The following HDAC5 variants were observed in gnomAD, a reference collection of about 807,000 sequenced individuals.
HDAC5 encodes antigen NY-CO-9.
A neutral mutation model predicts 133.3 loss-of-function variants in HDAC5; 25 were observed. That is an observed-to-expected ratio of 0.19 (90% CI 0.14 to 0.26). HDAC5 has a LOEUF of 0.26. HDAC5 is among the 10% of genes least tolerant of loss of function. HDAC5 has a pLI of 1.00. For missense variants in HDAC5, 1,041 were observed against 1,460.5 expected (o/e 0.71, Z 4.68); for synonymous variants, 589 against 610.8 (o/e 0.96, Z 0.53).
At chr17:44,103,829 C>A (rs904716159) in intron 3 of HDAC5, among the ~76,000 whole-genome samples, 1 of 151,962 alleles carries the variant, frequency 6.6e-6, no homozygotes, top group Non-Finnish European at 1.5e-5. Context: ...CTGCCTCAGC[C>A]TCCCAAGTAG....
intron 22 of HDAC5, 35 bp downstream of exon 22, chr17:44,080,366 T>TC (rs1353231300): frequency 6.3e-7 from 1 of 1,594,738 alleles, no homozygotes; most frequent in Non-Finnish European, 8.6e-7. Context: ...CCAGAGGGGC[T>TC]CCCACTGACT....
chr17:44,084,224 A>G (rs902029290), intron 16 of HDAC5, among the ~76,000 whole-genome samples: 1 of 151,878 alleles, frequency 6.6e-6, no homozygotes, highest in Non-Finnish European at 1.5e-5. Flanking sequence ...AGCCCACACC[A>G]GTTGGAAGCT....
chr17:44,082,347 G>A, intron 20 of HDAC5: 1 of 565,108 alleles, frequency 1.8e-6, no homozygotes, highest in Non-Finnish European at 3.2e-6. Context: ...GCAACGTGAG[G>A]GCCAAGATGG....
intron 1 of HDAC5, among the ~76,000 whole-genome samples, chr17:44,119,563 C>T (rs1000553531): frequency 6.6e-6 from 1 of 152,196 alleles, no homozygotes; most frequent in Non-Finnish European, 1.5e-5. Flanking sequence ...GACTCATCTA[C>T]GTCTACTCCT....
At chr17:44,108,548 A>G (rs1468218647) in intron 3 of HDAC5, among the ~76,000 whole-genome samples, 2 of 151,980 alleles carry the variant, frequency 1.3e-5, no homozygotes, top group Non-Finnish European at 2.9e-5. Context: ...CACACCATCC[A>G]AAGAAGCTTC....
intron 2 of HDAC5, among the ~76,000 whole-genome samples, chr17:44,115,581 C>G (rs534635756): frequency 3.9e-5 from 6 of 152,258 alleles, no homozygotes; most frequent in African/African-American, 1.4e-4. Context: ...GGGAGGCTGA[C>G]TATCTCCCTG....
intron 3 of HDAC5, among the ~76,000 whole-genome samples, chr17:44,095,126 T>C (rs2051187220): frequency 6.6e-6 from 1 of 152,254 alleles, no homozygotes; most frequent in Non-Finnish European, 1.5e-5. Flanking sequence ...ATAGTCAACA[T>C]CTCTGGGCAT....
rs778349118 is a variant in HDAC5, at chr17:44,080,886, T to A, written c.2608-4A>T. 10 of 1,613,980 alleles carry A rather than the reference T, an allele frequency of 6.2e-6. No homozygotes were observed. Among genetic ancestry groups the A allele is most frequent in the Non-Finnish European group, 7.6e-6 (9 of 1,180,006 alleles). ...TGCCATTGCCATGGTGAATGTCCTA[T>A]GAGGGGAGGTAGAAGCATCGGGAAA... On this transcript the variant is annotated splice_region_variant and splice_polypyrimidine_tract_variant and intron_variant, in intron 20 of 26. Transcript: ENST00000682912.
Position 44,078,431 on chromosome 17 carries a change from A to G in HDAC5, c.3330-16T>C. On this transcript the variant is annotated splice_polypyrimidine_tract_variant and intron_variant, in intron 26 of 26. Coordinates refer to ENST00000682912, the MANE Select transcript of HDAC5 (RefSeq NM_005474.5). Reference sequence around the variant, plus strand: ...CTCTGCCGGCCTGTGGGGCAAGCACAGGGGAGGGTATTGAGTGGGGCGCAC... The same window carrying G: ...CTCTGCCGGCCTGTGGGGCAAGCACGGGGGAGGGTATTGAGTGGGGCGCAC... 1 of 1,545,882 alleles carries G rather than the reference A, an allele frequency of 6.5e-7. No homozygotes were observed. Among genetic ancestry groups the G allele is most frequent in the Non-Finnish European group, 8.7e-7 (1 of 1,143,562 alleles).
At position 44,091,725 on chromosome 17, in the gene HDAC5, A is replaced by C; in HGVS notation, c.1139T>G (p.Val380Gly). ...PNISLGLQAT[V>G]TVTNSHLTAS... ...AGTGAGGTGTGAGTTGGTGACAGTG[A>C]CCGTGGCCTGCAGCCCTAGGGAGAT... Residue 380 changes from valine to glycine, a missense_variant, in exon 10 of 27, where the codon GTC (valine) becomes GGC (glycine). Val to Gly is a moderately radical substitution (Grantham distance 109). This residue lies in a region of HDAC5 where 433 missense variants were observed against 531.6 expected (regional missense o/e 0.81). Coordinates refer to ENST00000682912, the MANE Select transcript of HDAC5 (RefSeq NM_005474.5). 6.3e-7 allele frequency: 1 copy of C among 1,584,360 alleles called. No homozygotes were observed. The highest frequency in any genetic ancestry group is 8.6e-7 in the Non-Finnish European group (1 of 1,165,820).
intron 20 of HDAC5, among the ~76,000 whole-genome samples, chr17:44,081,239 C>T (rs1294887922): frequency 1.3e-5 from 2 of 151,794 alleles, no homozygotes; most frequent in African/African-American, 4.8e-5. Flanking sequence ...TTAAAACAGG[C>T]AGATGAGATT....
At position 44,087,486 on chromosome 17, in the gene HDAC5, C is replaced by T; in HGVS notation, c.1810G>A (p.Val604Ile). ...CCACTCTCGCCCTCCTCGTCCTTAACCTGGATGCAATCCTCCTCCTCCTCC... is the reference window on the plus strand; with the variant it reads ...CCACTCTCGCCCTCCTCGTCCTTAATCTGGATGCAATCCTCCTCCTCCTCC... ...DGEEEEDCIQ[V>I]KDEEGESGAE... is the part of the protein sequence containing the mutation. Residue 604 changes from valine (V) to isoleucine (I), a missense_variant, in exon 13 of 27, where the codon GTT becomes ATT. By Grantham distance (29) the Val-to-Ile change is conservative (BLOSUM62 3). Coordinates refer to ENST00000682912, the MANE Select transcript of HDAC5 (RefSeq NM_005474.5). The T allele has an allele frequency of 6.3e-7, 1 of 1,575,264 alleles. No homozygotes were observed.
chr17:44,091,337 C>A lies in HDAC5; in HGVS notation c.1320G>T (p.Gly440=), dbSNP rs765343430. The change falls in exon 11 of 27, where the codon GGG becomes GGT. Residue 440 remains glycine (G), a synonymous_variant. Coordinates refer to ENST00000682912, the MANE Select transcript of HDAC5 (RefSeq NM_005474.5). ...VALEGDGSPH[G]HASLLQHVLL... is the part of the protein sequence containing the mutation. Reference sequence around the variant, plus strand: ...GCACATGCTGCAGCAGGGAGGCATGCCCGTGGGGGCTCCCGTCGCCCTCCA... The same window carrying A: ...GCACATGCTGCAGCAGGGAGGCATGACCGTGGGGGCTCCCGTCGCCCTCCA... 2 of 1,608,204 alleles carry A rather than the reference C, an allele frequency of 1.2e-6. No homozygotes were observed. The highest frequency in any genetic ancestry group is 2.7e-5 in the African/African-American group (2 of 74,872).
intron 11 of HDAC5, among the ~76,000 whole-genome samples, chr17:44,090,446 C>T (rs961799414): frequency 2.0e-5 from 3 of 151,972 alleles, no homozygotes; most frequent in African/African-American, 4.8e-5. Flanking sequence ...GCGATCTCGG[C>T]TCACTGCAAC....
chr17:44,079,639 C>CAAAAAA (rs773678478), intron 23 of HDAC5, among the ~76,000 whole-genome samples: 17 of 65,856 alleles, frequency 2.6e-4, no homozygotes, highest in East Asian at 7.7e-4. Context: ...GACTCCACCT[C>CAAAAAA]AAAAAAAAAA....
intron 14 of HDAC5, 55 bp from the exon 15 acceptor site, chr17:44,085,210 C>A: frequency 6.7e-7 from 1 of 1,494,954 alleles, no homozygotes; most frequent in East Asian, 2.4e-5. Flanking sequence ...GGATCCCAGC[C>A]TGGCTACCAT....
chr17:44,085,656 C>G (rs1027963868), intron 14 of HDAC5, among the ~76,000 whole-genome samples: 2 of 151,948 alleles, frequency 1.3e-5, no homozygotes, highest in Non-Finnish European at 2.9e-5. Context: ...CATGTGCCAC[C>G]ACGCCTGGCT....
intron 1 of HDAC5, among the ~76,000 whole-genome samples, chr17:44,119,490 C>G (rs551812253): frequency 4.9e-4 from 74 of 152,346 alleles, no homozygotes; most frequent in African/African-American, 1.7e-3. Flanking sequence ...CTTAAAGATG[C>G]TGATCCTCAC....
At chr17:44,092,901 T>C in intron 6 of HDAC5, 95 bp from the exon 7 acceptor site, 1 of 647,974 alleles carries the variant, frequency 1.5e-6, no homozygotes, top group Non-Finnish European at 2.6e-6. Context: ...TGAAAAATCG[T>C]TTGTATATAG....
Sources: gnomAD v4.1 joint callset for allele counts (sites outside exome capture counted in the v4.1 genomes callset) on GRCh38, gnomAD v4.1.1 for gene constraint, gnomAD v4.1.1 regional missense constraint, MANE v1.5 for transcripts, NCBI Gene and HGNC (gene_info 2026-07-23, HGNC 2026-07-21) for gene names.